The following THSD7B variants were observed in gnomAD, a reference collection of about 807,000 sequenced individuals.
THSD7B encodes the protein thrombospondin type 1 domain containing 7B.
THSD7B carries 138 observed loss-of-function variants against 213.6 expected under a neutral mutation model. The observed-to-expected ratio is 0.65, with a 90% confidence interval of 0.56 to 0.74. THSD7B has a LOEUF of 0.74. Among genes scored for constraint, THSD7B ranks in the 30% least tolerant of loss-of-function variants. THSD7B has a pLI of 0.00. For synonymous variants in THSD7B, 742 were observed against 687.0 expected (o/e 1.08, Z -1.25); for missense variants, 1,931 against 1,991.5 (o/e 0.97, Z 0.58).
At chr2:137,055,921 T>C (rs1687153727) in intron 2 of THSD7B, among the ~76,000 whole-genome samples, 1 of 152,208 alleles carries the variant, frequency 6.6e-6, no homozygotes, top group African/African-American at 2.4e-5. Context: ...CTGAGCTTCT[T>C]AGAGTTTGAG....
chr2:137,017,640 C>T (rs776139087), intron 2 of THSD7B, among the ~76,000 whole-genome samples: 1 of 152,146 alleles, frequency 6.6e-6, no homozygotes, highest in Non-Finnish European at 1.5e-5. Context: ...AGATTCCTGA[C>T]TCACGCTTTC....
intron 12 of THSD7B, among the ~76,000 whole-genome samples, chr2:137,404,562 C>T (rs1686464353): frequency 1.1e-5 from 1 of 87,062 alleles, no homozygotes. Context: ...TATTTATATA[C>T]ACACACTATA....
intron 1 of THSD7B, among the ~76,000 whole-genome samples, chr2:136,878,863 G>A (rs1053056756): frequency 6.6e-6 from 1 of 152,168 alleles, no homozygotes; most frequent in Non-Finnish European, 1.5e-5. Flanking sequence ...CCATTCTGTA[G>A]GTTGCCTGTT....
intron 2 of THSD7B, among the ~76,000 whole-genome samples, chr2:136,993,551 T>C (rs1685826180): frequency 6.6e-6 from 1 of 152,282 alleles, no homozygotes; most frequent in East Asian, 1.9e-4. Flanking sequence ...AATGTAACCA[T>C]ATAGGGATGC....
intron 1 of THSD7B, among the ~76,000 whole-genome samples, chr2:136,772,938 A>C (rs931788321): frequency 3.9e-5 from 6 of 152,126 alleles, no homozygotes; most frequent in African/African-American, 1.2e-4. Context: ...TTTCTAAACA[A>C]ATATACTGTT....
intron 15 of THSD7B, among the ~76,000 whole-genome samples, chr2:137,480,253 G>GA (rs1342122183): frequency 6.6e-6 from 1 of 151,888 alleles, no homozygotes; most frequent in African/African-American, 2.4e-5. Flanking sequence ...CCTGCTTATA[G>GA]AAAATCTCCT....
chr2:137,556,289 A>AGAG (rs1354451599), intron 15 of THSD7B, among the ~76,000 whole-genome samples: 1 of 152,234 alleles, frequency 6.6e-6, no homozygotes, highest in East Asian at 1.9e-4. Flanking sequence ...GGGCAGACAG[A>AGAG]GAGAAAGGTC....
chr2:136,980,186 C>T (rs757961453), intron 2 of THSD7B, among the ~76,000 whole-genome samples: 1 of 152,124 alleles, frequency 6.6e-6, no homozygotes, highest in African/African-American at 2.4e-5. Flanking sequence ...CACAGCTCTC[C>T]TCTGTAAGAT....
chr2:137,095,311 C>T (rs188257440), intron 4 of THSD7B, among the ~76,000 whole-genome samples, 190 bp downstream of exon 4: 28 of 152,228 alleles, frequency 1.8e-4, no homozygotes, highest in African/African-American at 6.7e-4. Flanking sequence ...TGGTTTAAGT[C>T]CTGTTTCTGT....
intron 4 of THSD7B, among the ~76,000 whole-genome samples, chr2:137,100,564 T>C (rs1353282908): frequency 6.6e-6 from 1 of 152,146 alleles, no homozygotes; most frequent in Non-Finnish European, 1.5e-5. Context: ...TGAATAGGAC[T>C]ATTTTGTTTG....
chr2:136,915,080 G>C (rs1484357436), intron 2 of THSD7B, among the ~76,000 whole-genome samples: 2 of 152,084 alleles, frequency 1.3e-5, no homozygotes, highest in Non-Finnish European at 2.9e-5. Flanking sequence ...GATGGGAGTT[G>C]GACTGTTTGG....
At chr2:137,260,669 G>A (rs1006748605) in intron 10 of THSD7B, among the ~76,000 whole-genome samples, 3 of 152,200 alleles carry the variant, frequency 2.0e-5, no homozygotes, top group Non-Finnish European at 2.9e-5. Flanking sequence ...GGAGGCTGAG[G>A]TGAGAGGATT....
At chr2:137,591,896 G>A (rs1416941043) in intron 17 of THSD7B, among the ~76,000 whole-genome samples, 1 of 151,132 alleles carries the variant, frequency 6.6e-6, no homozygotes, top group East Asian at 1.9e-4. Flanking sequence ...CTTTTTCTTT[G>A]TGTTTTTAAA....
At chr2:136,939,272 C>T (rs1684780451) in intron 2 of THSD7B, among the ~76,000 whole-genome samples, 1 of 152,152 alleles carries the variant, frequency 6.6e-6, no homozygotes. Flanking sequence ...ATTGCTACCA[C>T]CCACCACCCT....
At chr2:137,248,121 G>T (rs1402411775) in intron 10 of THSD7B, among the ~76,000 whole-genome samples, 1 of 152,142 alleles carries the variant, frequency 6.6e-6, no homozygotes, top group Non-Finnish European at 1.5e-5. Flanking sequence ...CTCCATAGGT[G>T]ACTCTTACTA....
chr2:136,924,903 C>T (rs931033263), intron 2 of THSD7B, among the ~76,000 whole-genome samples: 10 of 151,952 alleles, frequency 6.6e-5, no homozygotes, highest in Admixed American at 6.6e-4. Context: ...TTGTTTATTC[C>T]TAAGTCTTTT....
intron 14 of THSD7B, among the ~76,000 whole-genome samples, chr2:137,412,521 C>G (rs200190619): frequency 2.1e-5 from 3 of 144,626 alleles, no homozygotes; most frequent in Admixed American, 7.0e-5. Flanking sequence ...TGCTTGAACC[C>G]GGGGGGCAGA....
At chr2:137,167,348 G>A (rs771475807) in intron 6 of THSD7B, among the ~76,000 whole-genome samples, 2 of 151,866 alleles carry the variant, frequency 1.3e-5, no homozygotes, top group Non-Finnish European at 2.9e-5. Flanking sequence ...TTACAGGCAG[G>A]TGCCACCCTG....
chr2:137,229,710 C>T (rs996334278), intron 7 of THSD7B, among the ~76,000 whole-genome samples: 2 of 152,034 alleles, frequency 1.3e-5, no homozygotes, highest in Admixed American at 1.3e-4. Flanking sequence ...GGATTTGCTC[C>T]CCAGCTCAGG....
Sources: gnomAD v4.1 joint callset for allele counts (sites outside exome capture counted in the v4.1 genomes callset) on GRCh38, gnomAD v4.1.1 for gene constraint, MANE v1.5 for transcripts, NCBI Gene and HGNC (gene_info 2026-07-23, HGNC 2026-07-21) for gene names.